Variants in FCAR observed in about 807,000 individuals in gnomAD.
The protein encoded by FCAR is immunoglobulin alpha Fc receptor.
Under a neutral mutation model 27.1 loss-of-function variants are expected in FCAR, and 21 were observed. The ratio of observed to expected loss-of-function variants is 0.77; its 90% CI spans 0.55 to 1.11. The LOEUF (loss-of-function observed/expected upper bound fraction) is 1.11, where lower values mean the gene tolerates loss of function less well. FCAR is among the 50% of genes most tolerant of loss of function. The pLI is 0.00. For synonymous variants in FCAR, 134 were observed against 135.8 expected (o/e 0.99, Z 0.09); for missense variants, 404 against 358.4 (o/e 1.13, Z -1.03).
intron 2 of FCAR, among the ~76,000 whole-genome samples, chr19:54,884,878 C>T (rs1216193968): frequency 1.3e-5 from 2 of 150,374 alleles, no homozygotes; most frequent in Non-Finnish European, 3.0e-5. Flanking sequence ...GTGATCTCGG[C>T]TCACTGCAAG....
intron 2 of FCAR, among the ~76,000 whole-genome samples, chr19:54,878,059 G>A (rs2066195245): frequency 6.6e-6 from 1 of 151,954 alleles, no homozygotes; most frequent in Non-Finnish European, 1.5e-5. Context: ...GAGACTACAG[G>A]TGCCCGCCAC....
chr19:54,888,586 C>T lies in FCAR; in HGVS notation c.649+292C>T, dbSNP rs960900828. ...TTTCCGGGATAGAGTCTTGCTCTTT[C>T]GCCAAGGCTGGAGTGCAGTGGCACG... On this transcript the variant is annotated intron_variant, in intron 4 of 4. Coordinates refer to ENST00000355524, the MANE Select transcript of FCAR (RefSeq NM_002000.4). The T allele has an allele frequency of 5.1e-5, 56 of 1,104,044 alleles. No homozygotes were observed. In the Admixed American group the frequency reaches 7.4e-4, roughly 15 times the overall value. 68.4% of individuals were successfully genotyped at this position (1,104,044 alleles called of 1,614,324 possible).
intron 2 of FCAR, among the ~76,000 whole-genome samples, chr19:54,882,724 C>A (rs587692942): frequency 6.6e-6 from 1 of 152,228 alleles, no homozygotes; most frequent in East Asian, 1.9e-4. Flanking sequence ...CAGGTGTGAG[C>A]CACCGCGCCC....
intron 2 of FCAR, among the ~76,000 whole-genome samples, chr19:54,882,954 G>A (rs2066506453): frequency 6.6e-6 from 1 of 152,212 alleles, no homozygotes; most frequent in African/African-American, 2.4e-5. Context: ...ACTTAAAAGG[G>A]TTGGCCAGCA....
At chr19:54,877,725 A>G (rs1316405002) in intron 2 of FCAR, among the ~76,000 whole-genome samples, 2 of 151,986 alleles carry the variant, frequency 1.3e-5, no homozygotes, top group African/African-American at 4.8e-5. Context: ...TTGAAGTGGG[A>G]GTTTAGTGCT....
intron 3 of FCAR, among the ~76,000 whole-genome samples, chr19:54,885,968 T>C (rs11666846): frequency 0.32 from 48,324 of 151,734 alleles, 7,989 homozygotes; most frequent in Admixed American, 0.44. Context: ...CAACAATCGC[T>C]GGGCGCGGTG....
intron 2 of FCAR, among the ~76,000 whole-genome samples, chr19:54,879,889 G>T (rs2066316077): frequency 1.3e-5 from 2 of 152,094 alleles, no homozygotes; most frequent in African/African-American, 4.8e-5. Flanking sequence ...GTTTCACCAT[G>T]TTAGCCAGGA....
intron 2 of FCAR, among the ~76,000 whole-genome samples, chr19:54,877,372 C>T (rs1243776099): frequency 6.6e-6 from 1 of 152,096 alleles, no homozygotes; most frequent in African/African-American, 2.4e-5. Context: ...TCTGGATTTT[C>T]TAGTTTGTGT....
intron 2 of FCAR, 86 bp downstream of exon 2, chr19:54,875,451 C>A (rs2066042446): frequency 1.8e-6 from 2 of 1,113,536 alleles, no homozygotes; most frequent in African/African-American, 1.6e-5. Flanking sequence ...CCTGAAGCAC[C>A]ATTCTTATTT....
At chr19:54,879,258 A>G (rs1007585561) in intron 2 of FCAR, among the ~76,000 whole-genome samples, 2 of 152,166 alleles carry the variant, frequency 1.3e-5, no homozygotes, top group African/African-American at 4.8e-5. Flanking sequence ...TAGCATTTAC[A>G]TGTGCAGATT....
Position 54,890,303 on chromosome 19 carries a change from C to G in FCAR, c.*440C>G, listed in dbSNP as rs948109690. ...TGGTGTTTTCTTATGCAGGACTGATCGATTTGCACCCACCTTTCTGCACAT... is the reference window on the plus strand; with the variant it reads ...TGGTGTTTTCTTATGCAGGACTGATGGATTTGCACCCACCTTTCTGCACAT... On this transcript the variant is annotated 3_prime_UTR_variant, in exon 5 of 5. Coordinates refer to ENST00000355524, the MANE Select transcript of FCAR (RefSeq NM_002000.4). The G allele has an allele frequency of 6.3e-6, 1 of 159,560 alleles. No homozygotes were observed. Among genetic ancestry groups the G allele is most frequent in the African/African-American group, 2.4e-5 (1 of 41,650 alleles). 9.9% of individuals were successfully genotyped at this position (159,560 alleles called of 1,614,324 possible).
At chr19:54,876,451 G>A (rs1298380994) in intron 2 of FCAR, among the ~76,000 whole-genome samples, 2 of 152,130 alleles carry the variant, frequency 1.3e-5, no homozygotes, top group Non-Finnish European at 2.9e-5. Flanking sequence ...TCAATATGAT[G>A]TTGACTGTGA....
At chr19:54,887,772 C>G (rs2066822981) in intron 3 of FCAR, among the ~76,000 whole-genome samples, 1 of 151,824 alleles carries the variant, frequency 6.6e-6, no homozygotes, top group Non-Finnish European at 1.5e-5. Flanking sequence ...CAAAAATTAG[C>G]TGGGCGTGGT....
chr19:54,885,489 T>C lies in FCAR; in HGVS notation c.325T>C (p.Phe109Leu). Residue 109 changes from phenylalanine to leucine, a missense_variant, in exon 3 of 5, where the codon TTC becomes CTC. Phe to Leu is a conservative substitution (Grantham distance 22). Coordinates refer to ENST00000355524, the MANE Select transcript of FCAR (RefSeq NM_002000.4). ...QCQYRIGHYR[F>L]RYSDTLELVV... ...CCAATATAGGATAGGGCACTACAGG[T>C]TCCGGTACAGTGACACCCTGGAGCT... The C allele has an allele frequency of 3.7e-6, 6 of 1,613,548 alleles. No individual in the cohort carries two copies. The highest frequency in any genetic ancestry group is 5.1e-6 in the Non-Finnish European group (6 of 1,179,490).
intron 1 of FCAR, 141 bp downstream of exon 1, chr19:54,874,464 T>A (rs2065982689): frequency 3.8e-6 from 3 of 782,858 alleles, no homozygotes; most frequent in East Asian, 2.6e-5. Context: ...GCCGTCTTTG[T>A]CAATGTATCT....
At chr19:54,887,807 C>A (rs1208457427) in intron 3 of FCAR, among the ~76,000 whole-genome samples, 200 bp from the exon 4 acceptor site, 1 of 151,862 alleles carries the variant, frequency 6.6e-6, no homozygotes, top group African/African-American at 2.4e-5. Flanking sequence ...ATCCCAGTTT[C>A]TCGGGAGGCT....
Position 54,885,498 on chromosome 19 carries a change from A to G in FCAR, c.334A>G (p.Ser112Gly). ...GATAGGGCACTACAGGTTCCGGTAC[A>G]GTGACACCCTGGAGCTGGTAGTGAC... Reference protein sequence around the residue: ...YRIGHYRFRYSDTLELVVTGL... With the variant: ...YRIGHYRFRYGDTLELVVTGL... Residue 112 changes from serine to glycine, a missense_variant, in exon 3 of 5, where the codon AGT becomes GGT. Transcript: ENST00000355524. 1 of 1,613,282 alleles carries G rather than the reference A, an allele frequency of 6.2e-7. No individual in the cohort carries two copies. Among genetic ancestry groups the G allele is most frequent in the Non-Finnish European group, 8.5e-7 (1 of 1,179,196 alleles).
intron 2 of FCAR, among the ~76,000 whole-genome samples, chr19:54,880,106 A>G (rs2066329922): frequency 6.6e-6 from 1 of 152,118 alleles, no homozygotes; most frequent in African/African-American, 2.4e-5. Flanking sequence ...TGGCCTCTCT[A>G]GTGACGTTGG....
chr19:54,890,586 C>A lies in FCAR; in HGVS notation c.*723C>A, dbSNP rs1480705343. On this transcript the variant is annotated 3_prime_UTR_variant, in exon 5 of 5. Coordinates refer to ENST00000355524, the MANE Select transcript of FCAR (RefSeq NM_002000.4). Reference sequence around the variant, plus strand: ...GGGATTGCAGGCTCCCACCATCACGCCCAGCTACTTTTACAGTATTTTTAG... The same window carrying A: ...GGGATTGCAGGCTCCCACCATCACGACCAGCTACTTTTACAGTATTTTTAG... The A allele has an allele frequency of 6.6e-6, 1 of 151,944 alleles. No homozygotes were observed. The highest frequency in any genetic ancestry group is 1.5e-5 in the Non-Finnish European group (1 of 67,996). 9.4% of individuals were successfully genotyped at this position (151,944 alleles called of 1,614,324 possible).
Sources: allele counts gnomAD v4.1 joint callset (sites outside exome capture counted in the v4.1 genomes callset), GRCh38; gene constraint gnomAD v4.1.1; transcripts MANE v1.5; gene names NCBI Gene and HGNC (gene_info 2026-07-23, HGNC 2026-07-21).